PLEC: variants seen among roughly 807,000 people sequenced by gnomAD.
PLEC encodes the protein hemidesmosomal protein 1.
In PLEC, 216 loss-of-function variants were observed where a neutral mutation model predicts 392.8. The ratio of observed to expected loss-of-function variants is 0.55; its 90% CI spans 0.49 to 0.62. PLEC has a LOEUF of 0.62. Ranked by LOEUF, PLEC falls within the 20% of genes least tolerant of loss-of-function variation. The pLI, the probability that PLEC is intolerant of heterozygous loss-of-function variation, is 0.00. For synonymous variants in PLEC, 3,621 were observed against 2,980.6 expected (o/e 1.21, Z -7.00); for missense variants, 6,863 against 6,563.4 (o/e 1.05, Z -1.58).
intron 17 of PLEC, 45 bp from the exon 18 acceptor site, chr8:143,932,077 G>C (rs1554716233): frequency 6.4e-7 from 1 of 1,555,232 alleles, no homozygotes; most frequent in African/African-American, 1.5e-5. Flanking sequence ...CGCCCCGCCT[G>C]GGGACCCGGC....
intron 3 of PLEC, 23 bp from the exon 4 acceptor site, chr8:143,937,265 C>T (rs372266348): frequency 1.6e-5 from 25 of 1,590,168 alleles, no homozygotes; most frequent in Non-Finnish European, 2.2e-5. Flanking sequence ...ACAGTCAGCA[C>T]CCACAGTGCA....
upstream of PLEC, chr8:143,950,900 T>A: frequency 8.3e-7 from 1 of 1,203,698 alleles, no homozygotes; most frequent in East Asian, 2.6e-5. Flanking sequence ...TCGTGGCGCC[T>A]GGCTCCGTGC....
rs782069556 is a variant in PLEC at position 143,934,642 on chromosome 8, G to A, written c.1034C>T (p.Ser345Phe). The A allele has an allele frequency of 5.0e-6, 8 of 1,612,998 alleles. No homozygotes were observed. Among genetic ancestry groups the A allele is most frequent in the Middle Eastern group, 1.6e-4 (1 of 6,084 alleles). The change falls in exon 10 of 32, where the codon TCC becomes TTC. Residue 345 changes from serine (S) to phenylalanine (F), a missense_variant. Ser to Phe is a radical substitution (Grantham distance 155, BLOSUM62 -2). Transcript: ENST00000345136. ...TCCAGCGGTCCCACTCACCTCCAGG[G>A]ATTGGTAGATGCCCTTGGACCTGTT... is the stretch of plus-strand genomic sequence containing the variant. ...DKNRSKGIYQ[S>F]LEGAVQAGQL...
intron 1 of PLEC, among the ~76,000 whole-genome samples, chr8:143,945,731 G>A (rs1376472829): frequency 3.3e-5 from 5 of 152,212 alleles, no homozygotes; most frequent in Admixed American, 2.6e-4. Flanking sequence ...GCAAGGCACA[G>A]TGAACCAGCC....
At chr8:143,929,862 G>A (rs782506548) in intron 22 of PLEC, 33 bp from the exon 23 acceptor site, 23 of 1,600,304 alleles carry the variant, frequency 1.4e-5, no homozygotes, top group Admixed American at 1.7e-5. Flanking sequence ...AGTGCCGGGC[G>A]AGGCGGCCGT....
chr8:143,938,768 C>A lies in PLEC; in HGVS notation c.113-76G>T, dbSNP rs539360564. On this transcript the variant is annotated intron_variant, in intron 1 of 31. Transcript: ENST00000345136. ...CCCTCAGGTGACCACCGTGCAGACA[C>A]AGCAGCCTGGCTGGCCAGGTCCTGC... 3.1e-6 allele frequency: 4 copies of A among 1,310,002 alleles called. No homozygotes were observed. In the African/African-American group the frequency reaches 5.8e-5, roughly 19 times the overall value. 81.1% of individuals were successfully genotyped at this position (1,310,002 alleles called of 1,614,324 possible). A position where few individuals can be genotyped will look rare whatever the true frequency, so the allele number is the denominator to read the frequency against.
Position 143,918,740 on chromosome 8 carries a change from C to G in PLEC, c.11081G>C (p.Gly3694Ala). ...CYLYGTGSVA[G>A]VYLPGSRQTL... ...CTGCCTGGAACCGGGCAGGTAGACA[C>G]CAGCCACGGAGCCCGTGCCATAGAG... The change falls in exon 32 of 32, where the codon GGT becomes GCT. Residue 3694 changes from glycine to alanine, a missense_variant. Coordinates refer to ENST00000345136, the MANE Select transcript of PLEC (RefSeq NM_201384.3). 6.2e-7 allele frequency: 1 copy of G among 1,613,036 alleles called. No individual in the cohort carries two copies. The highest frequency in any genetic ancestry group is 1.1e-5 in the South Asian group (1 of 91,086).
intron 6 of PLEC, 40 bp from the exon 7 acceptor site, chr8:143,935,353 A>C (rs1587154199): frequency 1.4e-6 from 2 of 1,392,154 alleles, no homozygotes; most frequent in Non-Finnish European, 2.0e-6. Context: ...GTGGGACAAG[A>C]CCAGCGGCCA....
At chr8:143,940,916 G>C (rs1199824204), upstream of PLEC, among the ~76,000 whole-genome samples, 4 of 152,176 alleles carry the variant, frequency 2.6e-5, no homozygotes, top group Non-Finnish European at 4.4e-5. Context: ...CTCTGAGCCT[G>C]GCATGAGATT....
Position 143,932,121 on chromosome 8 carries a change from G to A in PLEC, c.2082+9C>T. The A allele has an allele frequency of 1.2e-6, 2 of 1,606,712 alleles. No homozygotes were observed. Among genetic ancestry groups the A allele is most frequent in the Non-Finnish European group, 8.5e-7 (1 of 1,178,858 alleles). On this transcript the variant is annotated intron_variant, in intron 17 of 31. Transcript: ENST00000345136. ...CCCCGCAGCCCCGCCCCTACCCAGGGAGCCCCACCTCCACCGTGGGCCGGG... is the reference window on the plus strand; with the variant it reads ...CCCCGCAGCCCCGCCCCTACCCAGGAAGCCCCACCTCCACCGTGGGCCGGG...
At chr8:143,962,269 C>T (rs1832903720) in intron 1 of PLEC, among the ~76,000 whole-genome samples, 2 of 152,262 alleles carry the variant, frequency 1.3e-5, no homozygotes, top group Non-Finnish European at 1.5e-5. Flanking sequence ...TGGCATGATG[C>T]AGCCACAAGC....
In PLEC at chr8:143,934,736, AG is replaced by A. The variant is rs782680771; in HGVS notation, c.946-7del. On this transcript the variant is annotated splice_region_variant and splice_polypyrimidine_tract_variant and intron_variant, in intron 9 of 31. Transcript: ENST00000345136. ...AGGAACTGAGACCACAGGATCTGCC[AG>A]GGACGAGGCTGTCGGCAACCACGCC... The A allele has an allele frequency of 1.9e-6, 3 of 1,612,368 alleles. No individual in the cohort carries two copies. In the Admixed American group the frequency reaches 5.0e-5, roughly 27 times the overall value.
rs1415519149 is a variant in PLEC at position 143,939,409 on chromosome 8, C to CTCTT, written c.49_52dup (p.Arg18LysfsTer18). ...GTACAGGTTGTCCTCCGAGCTGGTT[C>CTCTT]TCTTTCGGCCCAGGCCCTCGGGCTG... On this transcript the variant is annotated frameshift_variant, in exon 1 of 32. Coordinates refer to ENST00000345136, the MANE Select transcript of PLEC (RefSeq NM_201384.3). LOFTEE classifies it high-confidence loss of function. 6.2e-7 allele frequency: 1 copy of CTCTT among 1,612,644 alleles called. No individual in the cohort carries two copies. The highest frequency in any genetic ancestry group is 8.5e-7 in the Non-Finnish European group (1 of 1,179,802).
At chr8:143,942,303 C>A, upstream of PLEC, 2 of 1,512,858 alleles carry the variant, frequency 1.3e-6, no homozygotes, top group Non-Finnish European at 1.8e-6. Context: ...CATCCCAGCC[C>A]AGGCGGCGGT....
rs782175129 is a variant in PLEC at position 143,925,743 on chromosome 8, G to A, written c.4186C>T (p.Arg1396Cys). 1.8e-4 allele frequency: 285 copies of A among 1,594,444 alleles called. No individual in the cohort carries two copies. The highest frequency in any genetic ancestry group is 2.2e-4 in the Non-Finnish European group (263 of 1,177,426). ...AEREAKELQQ[R>C]MQEEVVRREE... ...CGCCGCACCACCTCCTCCTGCATGC[G>A]CTGCTGCAGCTCCTTCGCCTCCCGC... Residue 1396 changes from arginine to cysteine, a missense_variant, in exon 31 of 32, where the codon CGC becomes TGC. By Grantham distance (180) the Arg-to-Cys change is radical. Coordinates refer to ENST00000345136, the MANE Select transcript of PLEC (RefSeq NM_201384.3).
At chr8:143,934,585 G>T (rs551030172) in intron 10 of PLEC, 50 bp downstream of exon 10, 4 of 1,602,436 alleles carry the variant, frequency 2.5e-6, no homozygotes, top group South Asian at 1.1e-5. Context: ...GAACCTTTCA[G>T]GCCTGGGGCG....
At chr8:143,938,447 A>T in intron 2 of PLEC, 184 bp downstream of exon 2, 1 of 1,542,050 alleles carries the variant, frequency 6.5e-7, no homozygotes, top group Admixed American at 1.9e-5. Context: ...GACCAGAAGG[A>T]AGAGGAGGAA....
chr8:143,954,465 A>G (rs559175855), upstream of PLEC, among the ~76,000 whole-genome samples: 219 of 152,182 alleles, frequency 1.4e-3, 3 homozygotes, highest in African/African-American at 4.9e-3. The surrounding 1 kb of genome is among the most constrained non-coding windows in gnomAD (Gnocchi z 4.6). Context: ...AGGCAGCCCC[A>G]CAGGTCCTCC....
At position 143,958,926 on chromosome 8, in the gene PLEC, C is replaced by A; in HGVS notation, c.70+14477G>T. ...AGGGATAATGCACTTTCCCAGAACT[C>A]TGTTAATATCGTTGACTTCACTAGC... On this transcript the variant is annotated intron_variant, in intron 1 of 31. Transcript: ENST00000356346. The surrounding 1 kb of genome is among the most constrained non-coding windows in gnomAD (Gnocchi z 4.9). 1 of 194,158 alleles carries A rather than the reference C, an allele frequency of 5.2e-6. No individual in the cohort carries two copies. Among genetic ancestry groups the A allele is most frequent in the Admixed American group, 5.5e-5 (1 of 18,150 alleles). The allele number at this position is 194,158 out of a possible 1,614,324, so 12.0% of individuals were successfully genotyped here. A position where few individuals can be genotyped will look rare whatever the true frequency, so the allele number is the denominator to read the frequency against.
Sources: allele counts gnomAD v4.1 joint callset (sites outside exome capture counted in the v4.1 genomes callset), GRCh38; gene constraint gnomAD v4.1.1; non-coding constraint Gnocchi (gnomAD v3.1); transcripts MANE v1.5; gene names NCBI Gene and HGNC (gene_info 2026-07-23, HGNC 2026-07-21).